The following KCNIP4 variants were observed in gnomAD, a reference collection of about 807,000 sequenced individuals.
The protein encoded by KCNIP4 is potassium voltage-gated channel interacting protein 4.
KCNIP4 carries 12 observed loss-of-function variants against 34.0 expected under a neutral mutation model. That is an observed-to-expected ratio of 0.35 (90% CI 0.23 to 0.57). The LOEUF is 0.57. Among genes scored for constraint, KCNIP4 ranks in the 20% least tolerant of loss-of-function variants. KCNIP4 has a pLI of 0.83. For synonymous variants in KCNIP4, 124 were observed against 102.2 expected, an observed-to-expected ratio of 1.21 and a Z score of -1.29; for missense variants, 238 against 311.7, an observed-to-expected ratio of 0.76 and a Z score of 1.78.
At chr4:21,689,917 A>G (rs1438092074) in intron 1 of KCNIP4, among the ~76,000 whole-genome samples, 1 of 151,894 alleles carries the variant, frequency 6.6e-6, no homozygotes, top group African/African-American at 2.4e-5. Context: ...CCCTCCTTTA[A>G]AAACATAAAG....
At chr4:21,405,550 G>A (rs1560374208) in intron 1 of KCNIP4, among the ~76,000 whole-genome samples, 1 of 152,206 alleles carries the variant, frequency 6.6e-6, no homozygotes, top group Admixed American at 6.5e-5. Context: ...TCCCACAGAA[G>A]TGACTATGTG....
In KCNIP4 at chr4:20,924,231, G is replaced by C. The variant is rs573283696; in HGVS notation, c.62-41522C>G. 3.3e-5 allele frequency among the ~76,000 whole-genome samples: 5 copies of C among 152,226 alleles called. No individual in the cohort carries two copies. In the East Asian group the frequency reaches 9.7e-4, roughly 29 times the overall value. ...GAGAGCATGAAACAGTCCATATTAG[G>C]TTTTATTATTTCTAGGCCATTGCTT... On this transcript the variant is annotated intron_variant, in intron 1 of 8. Coordinates refer to ENST00000382152, the MANE Select transcript of KCNIP4 (RefSeq NM_025221.6).
chr4:21,226,220 T>C (rs1055414193), intron 1 of KCNIP4, among the ~76,000 whole-genome samples: 5 of 100,730 alleles, frequency 5.0e-5, no homozygotes, highest in Non-Finnish European at 7.5e-5. Flanking sequence ...GAGGCCAGCC[T>C]GGGCAGCATA....
At chr4:20,959,980 T>C (rs1733690631) in intron 1 of KCNIP4, among the ~76,000 whole-genome samples, 1 of 152,248 alleles carries the variant, frequency 6.6e-6, no homozygotes, top group African/African-American at 2.4e-5. Flanking sequence ...TTTGCCATTA[T>C]TTCATTTTTA....
intron 1 of KCNIP4, among the ~76,000 whole-genome samples, chr4:21,086,928 CTTCT>C (rs138679844): frequency 7.0e-4 from 105 of 149,358 alleles, no homozygotes; most frequent in African/African-American, 2.5e-3. Context: ...TTTCCCTTTC[CTTCT>C]TTCTTTCTTT....
intron 1 of KCNIP4, among the ~76,000 whole-genome samples, chr4:20,991,884 A>G: frequency 6.6e-6 from 1 of 152,100 alleles, no homozygotes; most frequent in East Asian, 1.9e-4. Flanking sequence ...GCTGCCATAG[A>G]TATACCACTT....
chr4:21,215,696 G>GA (rs1757503500), intron 1 of KCNIP4, among the ~76,000 whole-genome samples: 1 of 151,654 alleles, frequency 6.6e-6, no homozygotes, highest in Non-Finnish European at 1.5e-5. Flanking sequence ...ATAAAAATCA[G>GA]AAAAAAGGGG....
chr4:20,878,247 G>T (rs1417194203), intron 2 of KCNIP4, among the ~76,000 whole-genome samples: 1 of 152,130 alleles, frequency 6.6e-6, no homozygotes, highest in Non-Finnish European at 1.5e-5. Context: ...TCATGCTCAT[G>T]ATATTTCCTA....
In KCNIP4 at chr4:21,912,941, A is replaced by G. The variant is rs143449775; in HGVS notation, c.61+35630T>C. ...ACATATTTTTAAAATTCCCCTCTGA[A>G]TATCATGTAGAGAGTAAACTGAAGA... On this transcript the variant is annotated intron_variant, in intron 1 of 8. Transcript: ENST00000382152. Among the ~76,000 whole-genome samples, 542 of 152,030 alleles carry G rather than the reference A, an allele frequency of 3.6e-3. 3 individuals are homozygous for G. The highest frequency in any genetic ancestry group is 0.017 in the Middle Eastern group (5 of 292).
intron 1 of KCNIP4, among the ~76,000 whole-genome samples, chr4:20,953,421 C>T (rs1338396098): frequency 6.6e-6 from 1 of 152,158 alleles, no homozygotes; most frequent in African/African-American, 2.4e-5. Flanking sequence ...CATGTAATCC[C>T]AGCACTTTGG....
At chr4:21,378,011 A>T (rs1495522) in intron 1 of KCNIP4, among the ~76,000 whole-genome samples, 1 of 147,414 alleles carries the variant, frequency 6.8e-6, no homozygotes, top group South Asian at 2.2e-4. Context: ...CACTAAACCA[A>T]TTTCATCAAT....
At chr4:21,605,863 A>T (rs1411323415) in intron 1 of KCNIP4, among the ~76,000 whole-genome samples, 2 of 152,200 alleles carry the variant, frequency 1.3e-5, no homozygotes, top group African/African-American at 4.8e-5. Flanking sequence ...CCACCATCAA[A>T]AAAATGGGGT....
chr4:21,342,966 T>C (rs1248802520), intron 1 of KCNIP4, among the ~76,000 whole-genome samples: 1 of 152,136 alleles, frequency 6.6e-6, no homozygotes, highest in African/African-American at 2.4e-5. Context: ...AATAAAAAAC[T>C]GTTCATTTTT....
At chr4:21,820,283 G>GTATATA (rs1288802050) in intron 1 of KCNIP4, among the ~76,000 whole-genome samples, 262 of 127,306 alleles carry the variant, frequency 2.1e-3, no homozygotes, top group African/African-American at 5.8e-3. Context: ...ATGTGTGTGT[G>GTATATA]TGTATATATA....
chr4:21,296,633 C>T (rs1763855986), intron 1 of KCNIP4, among the ~76,000 whole-genome samples: 1 of 151,658 alleles, frequency 6.6e-6, no homozygotes, highest in African/African-American at 2.4e-5. Context: ...AAGGTGTATT[C>T]CAGCTGGGAT....
chr4:21,078,422 C>G (rs376395839), intron 1 of KCNIP4, among the ~76,000 whole-genome samples: 1 of 151,990 alleles, frequency 6.6e-6, no homozygotes, highest in Non-Finnish European at 1.5e-5. Context: ...TGAGGGCCCT[C>G]TTCTTGGGTT....
At chr4:21,525,224 A>G (rs560920985) in intron 1 of KCNIP4, among the ~76,000 whole-genome samples, 21 of 152,310 alleles carry the variant, frequency 1.4e-4, no homozygotes, top group African/African-American at 5.1e-4. Flanking sequence ...TTAGATCATT[A>G]TATTTCATTT....
At chr4:21,648,577 T>C (rs1033934966) in intron 1 of KCNIP4, among the ~76,000 whole-genome samples, 3 of 152,146 alleles carry the variant, frequency 2.0e-5, no homozygotes, top group Admixed American at 6.5e-5. Flanking sequence ...AAATCATAAA[T>C]ATGTTGAGCC....
At chr4:21,127,909 C>A (rs1750751232) in intron 1 of KCNIP4, among the ~76,000 whole-genome samples, 1 of 152,154 alleles carries the variant, frequency 6.6e-6, no homozygotes, top group Admixed American at 6.6e-5. Context: ...GGCTTTGGAG[C>A]CAAAAAGTTC....
Sources: allele counts gnomAD v4.1 joint callset (sites outside exome capture counted in the v4.1 genomes callset), GRCh38; gene constraint gnomAD v4.1.1; transcripts MANE v1.5; gene names NCBI Gene and HGNC (gene_info 2026-07-23, HGNC 2026-07-21).